The following HDAC2 variants were observed in gnomAD, a reference collection of about 807,000 sequenced individuals.
HDAC2 encodes histone deacetylase 2, also known as YY1-associated factor 1.
Under a neutral mutation model 68.5 loss-of-function variants are expected in HDAC2, and 5 were observed. The observed-to-expected ratio is 0.07, with a 90% CI of 0.04 to 0.15. HDAC2 has a LOEUF of 0.15. HDAC2 is among the 10% of genes least tolerant of loss of function. The pLI is 1.00. For synonymous variants in HDAC2, 182 were observed against 191.3 expected (o/e 0.95, Z 0.40); for missense variants, 291 against 600.8 (o/e 0.48, Z 5.39).
intron 5 of HDAC2, among the ~76,000 whole-genome samples, chr6:113,954,905 A>C (rs13209064): frequency 0.22 from 33,772 of 152,172 alleles, 3,964 homozygotes; most frequent in East Asian, 0.3. Context: ...TCTCTCTCTC[A>C]AACTGCAGCC....
chr6:113,966,645 T>C (rs1776829045), intron 1 of HDAC2, among the ~76,000 whole-genome samples: 1 of 151,248 alleles, frequency 6.6e-6, no homozygotes, highest in Admixed American at 6.6e-5. Flanking sequence ...TTGGCGAAGA[T>C]ACAAACACAA....
At chr6:113,956,992 G>A in intron 3 of HDAC2, 2 of 229,726 alleles carry the variant, frequency 8.7e-6, no homozygotes, top group Non-Finnish European at 8.5e-6. Flanking sequence ...TTAAAACACA[G>A]GCTTAAATTT....
intron 1 of HDAC2, chr6:113,970,459 C>A: frequency 9.4e-7 from 1 of 1,064,364 alleles, no homozygotes; most frequent in Non-Finnish European, 1.1e-6. Context: ...GGGTAGGAGG[C>A]CGACGCGGGG....
chr6:113,961,710 T>A (rs1382280690), intron 1 of HDAC2, among the ~76,000 whole-genome samples: 1 of 152,182 alleles, frequency 6.6e-6, no homozygotes, highest in Non-Finnish European at 1.5e-5. Flanking sequence ...GAAAACCCAC[T>A]AGTGTTATTA....
rs1196357730 is a variant in HDAC2, at chr6:113,944,282, G to C, written c.1220C>G (p.Ser407Cys). 6.2e-7 allele frequency: 1 copy of C among 1,610,920 alleles called. No individual in the cohort carries two copies. The highest frequency in any genetic ancestry group is 8.5e-7 in the Non-Finnish European group (1 of 1,177,606). ...GAAAAATAAAGGCATTATCTTACTA[G>C]AAATTCTCTTGTCTGGATCTTCTCC... ...EDGEDPDKRI[S>C]IRASDKRIAC... The change falls in exon 11 of 14, where the codon TCT becomes TGT. Residue 407 changes from serine to cysteine, a missense_variant and splice_region_variant. Ser to Cys is a moderately radical substitution (Grantham distance 112). This residue lies in a region of HDAC2 where 137 missense variants were observed against 128.7 expected (regional missense o/e 1.06). Transcript: ENST00000519065.
chr6:113,943,545 C>A, intron 11 of HDAC2, 39 bp from the exon 12 acceptor site: 2 of 1,537,554 alleles, frequency 1.3e-6, no homozygotes, highest in South Asian at 1.2e-5. Flanking sequence ...CAAAAACAGT[C>A]ACAGGTTTTA....
intron 1 of HDAC2, among the ~76,000 whole-genome samples, chr6:113,964,871 T>C (rs1776774264): frequency 6.6e-6 from 1 of 152,194 alleles, no homozygotes; most frequent in African/African-American, 2.4e-5. Flanking sequence ...TCCAGAAACT[T>C]AGGAGTCATC....
At chr6:113,959,710 AAAGG>A (rs762023198) in intron 2 of HDAC2, 192 bp downstream of exon 2, 13 of 389,518 alleles carry the variant, frequency 3.3e-5, no homozygotes, top group Non-Finnish European at 5.0e-5. Context: ...TTAAATGGTT[AAAGG>A]AAAAGGAAAA....
At position 113,956,650 on chromosome 6, in the gene HDAC2, C is replaced by T. The variant is rs773866608; in HGVS notation, c.327G>A (p.Glu109=). The change falls in exon 4 of 14, where the codon GAG becomes GAA. Residue 109 remains glutamate, a synonymous_variant. Transcript: ENST00000519065. ...AACCGCCAGTTGAGAGCTGACAAAA[C>T]TCAAAGAGTCCATCAAACACTGGAC... ...EDCPVFDGLF[E]FCQLSTGGSV... 1.9e-6 allele frequency: 3 copies of T among 1,613,416 alleles called. No individual in the cohort carries two copies. The highest frequency in any genetic ancestry group is 1.1e-5 in the South Asian group (1 of 91,048).
At chr6:113,949,930 T>C (rs6568820) in intron 6 of HDAC2, among the ~76,000 whole-genome samples, 79,818 of 151,940 alleles carry the variant, frequency 0.53, 21,287 homozygotes, top group East Asian at 0.68. Flanking sequence ...TACAGGCATG[T>C]GCCACCATGC....
At position 113,940,290 on chromosome 6, in the gene HDAC2, A is replaced by C. The variant is rs532152827; in HGVS notation, c.*768T>G. On this transcript the variant is annotated 3_prime_UTR_variant, in exon 14 of 14. Transcript: ENST00000519065. ...GGATGCCATGTAAATGCAGTAAAAG[A>C]AACAGGTTTTGTCTGCAGGTTCCAT... 6.6e-6 allele frequency: 1 copy of C among 152,232 alleles called. No individual in the cohort carries two copies. The highest frequency in any genetic ancestry group is 1.5e-5 in the Non-Finnish European group (1 of 68,040). The allele number at this position is 152,232 out of a possible 1,614,324, so 9.4% of individuals were successfully genotyped here.
chr6:113,969,741 A>C (rs1466137256), intron 1 of HDAC2: 6 of 152,248 alleles, frequency 3.9e-5, no homozygotes, highest in Non-Finnish European at 7.3e-5. Context: ...AGAATGCTTA[A>C]GATAATTAAA....
chr6:113,961,583 A>G (rs1169422507), intron 1 of HDAC2, among the ~76,000 whole-genome samples: 1 of 152,208 alleles, frequency 6.6e-6, no homozygotes, highest in Admixed American at 6.5e-5. Flanking sequence ...CTATGATTGC[A>G]GAAAATAAAC....
intron 1 of HDAC2, 131 bp from the exon 2 acceptor site, chr6:113,960,149 GATTT>G (rs1776646555): frequency 1.5e-6 from 1 of 646,880 alleles, no homozygotes; most frequent in Admixed American, 2.9e-5. Flanking sequence ...TAGCAACTTA[GATTT>G]ATTTTGCAAC....
chr6:113,950,981 G>C (rs1776399896), intron 6 of HDAC2, among the ~76,000 whole-genome samples: 1 of 152,056 alleles, frequency 6.6e-6, no homozygotes, highest in Non-Finnish European at 1.5e-5. Flanking sequence ...ATACAAATAT[G>C]GAAAAGCCAA....
At chr6:113,947,832 G>T (rs1004114587) in intron 8 of HDAC2, 2 of 151,900 alleles carry the variant, frequency 1.3e-5, no homozygotes, top group Admixed American at 6.6e-5. Context: ...ATTAAATAAA[G>T]AAGCTTTTAA....
rs770357880 is a variant in HDAC2, at chr6:113,946,188, C to G, written c.842-40G>C. On this transcript the variant is annotated intron_variant, in intron 8 of 13. Transcript: ENST00000519065. ...TTTGGGTAACAACAAAATCTGCATA[C>G]TGCAACAGTTCGAAAAATAAATTTT... The G allele has an allele frequency of 2.3e-5, 36 of 1,535,096 alleles. No homozygotes were observed. In the Middle Eastern group the frequency reaches 1.2e-3, roughly 51 times the overall value.
In HDAC2 at chr6:113,938,297, T is replaced by G. The variant is rs1776050856; in HGVS notation, c.*2761A>C. ...TTTCCCAGTTCACATCCTTATACAT[T>G]TTGTTCCTCTACTATCTTTAGATAT... On this transcript the variant is annotated 3_prime_UTR_variant, in exon 14 of 14. Transcript: ENST00000519065. 6.6e-6 allele frequency: 1 copy of G among 152,222 alleles called. No homozygotes were observed. Among genetic ancestry groups the G allele is most frequent in the Non-Finnish European group, 1.5e-5 (1 of 68,030 alleles). The allele number at this position is 152,222 out of a possible 1,614,324, so 9.4% of individuals were successfully genotyped here. A position where few individuals can be genotyped will look rare whatever the true frequency, so the allele number is the denominator to read the frequency against.
intron 1 of HDAC2, among the ~76,000 whole-genome samples, chr6:113,961,877 A>G (rs1776691448): frequency 6.6e-6 from 1 of 152,200 alleles, no homozygotes; most frequent in South Asian, 2.1e-4. Context: ...ATAATTTCCA[A>G]TATCACCTAA....
Sources: allele counts gnomAD v4.1 joint callset (sites outside exome capture counted in the v4.1 genomes callset), GRCh38; gene constraint gnomAD v4.1.1; regional missense constraint gnomAD v4.1.1; transcripts MANE v1.5; gene names NCBI Gene and HGNC (gene_info 2026-07-23, HGNC 2026-07-21).